The following PXDN variants were observed in gnomAD, a reference collection of about 807,000 sequenced individuals.
PXDN encodes peroxidasin homolog.
Under a neutral mutation model 140.3 loss-of-function variants are expected in PXDN, and 77 were observed. The observed-to-expected ratio is 0.55, with a 90% CI of 0.46 to 0.66. PXDN has a LOEUF of 0.66. PXDN is among the 30% of genes least tolerant of loss of function. The pLI is 0.00. For synonymous variants in PXDN, 911 were observed against 857.4 expected (o/e 1.06, Z -1.09); for missense variants, 1,838 against 2,039.5 (o/e 0.90, Z 1.90).
At chr2:1,736,858 T>A (rs1558533253) in intron 1 of PXDN, among the ~76,000 whole-genome samples, 1 of 152,170 alleles carries the variant, frequency 6.6e-6, no homozygotes, top group Non-Finnish European at 1.5e-5. Flanking sequence ...GATAAGAGTT[T>A]TGTTATCTCA....
Position 1,664,716 on chromosome 2 carries a change from G to T in PXDN, c.1408+242C>A, listed in dbSNP as rs546593213. 1.9e-5 allele frequency: 9 copies of T among 479,386 alleles called. No homozygotes were observed. In the South Asian group the frequency reaches 2.9e-4, roughly 16 times the overall value. The allele number at this position is 479,386 out of a possible 1,614,324, so 29.7% of individuals were successfully genotyped here. A position where few individuals can be genotyped will look rare whatever the true frequency, so the allele number is the denominator to read the frequency against. On this transcript the variant is annotated intron_variant, in intron 11 of 22. Coordinates refer to ENST00000252804, the MANE Select transcript of PXDN (RefSeq NM_012293.3). ...AAGGCAGGAACCCCAAGTCTCTTCC[G>T]CAATGACAGAGCTTCTCAGAGTTTC...
At chr2:1,700,975 A>C in intron 1 of PXDN, among the ~76,000 whole-genome samples, 1 of 152,216 alleles carries the variant, frequency 6.6e-6, no homozygotes, top group East Asian at 1.9e-4. Context: ...GGTTGGAATT[A>C]TAACCGATGC....
chr2:1,734,432 G>T (rs150559667), intron 1 of PXDN, among the ~76,000 whole-genome samples: 2 of 152,310 alleles, frequency 1.3e-5, no homozygotes, highest in Admixed American at 1.3e-4. Flanking sequence ...GCTGCTGAAG[G>T]CTGGGGTAGC....
At chr2:1,711,506 T>TCA (rs1380424523) in intron 1 of PXDN, among the ~76,000 whole-genome samples, 1 of 105,764 alleles carries the variant, frequency 9.5e-6, no homozygotes, top group African/African-American at 4.6e-5. Context: ...GCACCCACTC[T>TCA]CCACCAGCAC....
chr2:1,723,693 T>G (rs756528024), intron 1 of PXDN, among the ~76,000 whole-genome samples: 1 of 151,928 alleles, frequency 6.6e-6, no homozygotes, highest in African/African-American at 2.4e-5. Flanking sequence ...GATGGATGGA[T>G]GGATGGATGA....
chr2:1,690,120 T>A (rs1684152573), intron 3 of PXDN, among the ~76,000 whole-genome samples: 2 of 152,228 alleles, frequency 1.3e-5, no homozygotes, highest in Admixed American at 1.3e-4. Flanking sequence ...ACTTATCAAA[T>A]GTACTCCACC....
chr2:1,712,726 G>C (rs1248242235), intron 1 of PXDN, among the ~76,000 whole-genome samples: 1 of 152,156 alleles, frequency 6.6e-6, no homozygotes, highest in Non-Finnish European at 1.5e-5. Context: ...CTTAGTTTTA[G>C]ATTTCTTTTT....
At chr2:1,694,507 GC>G (rs1484513667) in intron 1 of PXDN, among the ~76,000 whole-genome samples, 1 of 152,050 alleles carries the variant, frequency 6.6e-6, no homozygotes, top group African/African-American at 2.4e-5. Context: ...GGGGAAGGCG[GC>G]CCCCCTCTGC....
At position 1,721,331 on chromosome 2, in the gene PXDN, C is replaced by T. The variant is rs150307922; in HGVS notation, c.200+22925G>A. 3.9e-3 allele frequency among the ~76,000 whole-genome samples: 598 copies of T among 152,250 alleles called. 3 individuals are homozygous for T. The highest frequency in any genetic ancestry group is 0.013 in the African/African-American group (559 of 41,542). The stretch of plus-strand genomic sequence containing the variant: ...AACGGGAATAGTTTCAACAACGGTA[C>T]GGGTTAATTGAGGTGGTTCCTGTTC... On this transcript the variant is annotated intron_variant, in intron 1 of 22. Transcript: ENST00000252804.
chr2:1,687,741 CAGG>C lies in PXDN; in HGVS notation c.345-41_345-39del. The C allele has an allele frequency of 7.0e-7, 1 of 1,425,962 alleles. No individual in the cohort carries two copies. The highest frequency in any genetic ancestry group is 9.7e-7 in the Non-Finnish European group (1 of 1,025,710). The allele number at this position is 1,425,962 out of a possible 1,614,324, so 88.3% of individuals were successfully genotyped here. A position where few individuals can be genotyped will look rare whatever the true frequency, so the allele number is the denominator to read the frequency against. ...ACATTGGGGAGCATTAGCACACAGA[CAGG>C]AGGTCAAACTTCAGACGGAAAAGAA... On this transcript the variant is annotated intron_variant, in intron 3 of 22. Transcript: ENST00000252804. This position sits in a 1 kb window ranked among gnomAD's most constrained non-coding sequence, Gnocchi z 4.0.
In PXDN at chr2:1,660,854, G is replaced by C; in HGVS notation, c.1837+27C>G. 6.3e-7 allele frequency: 1 copy of C among 1,598,234 alleles called. No individual in the cohort carries two copies. Among genetic ancestry groups the C allele is most frequent in the Non-Finnish European group, 8.5e-7 (1 of 1,170,186 alleles). On this transcript the variant is annotated intron_variant, in intron 14 of 22. Transcript: ENST00000252804. The surrounding 1 kb of genome is among the most constrained non-coding windows in gnomAD (Gnocchi z 4.6). ...GGGCTTTCTTTGTGGATACCATGTG[G>C]GTAGATGTGGGCATGTGGCATCTTA...
At chr2:1,720,707 T>TTC (rs200041810) in intron 1 of PXDN, among the ~76,000 whole-genome samples, 25 of 53,490 alleles carry the variant, frequency 4.7e-4, no homozygotes, top group East Asian at 3.5e-3. Flanking sequence ...CTGCATCTCT[T>TTC]TCTCTCTCTC....
At chr2:1,688,817 AT>A (rs1347490637) in intron 3 of PXDN, among the ~76,000 whole-genome samples, 3 of 152,086 alleles carry the variant, frequency 2.0e-5, no homozygotes, top group African/African-American at 4.8e-5. Context: ...AATAACCAAC[AT>A]TTTTTGTCTT....
chr2:1,723,918 T>C (rs1425723804), intron 1 of PXDN, among the ~76,000 whole-genome samples: 1 of 152,254 alleles, frequency 6.6e-6, no homozygotes, highest in African/African-American at 2.4e-5. Flanking sequence ...TTAATTGATA[T>C]TTTAAAAGTT....
intron 9 of PXDN, chr2:1,672,302 C>T (rs1377596100): frequency 1.3e-5 from 2 of 152,230 alleles, no homozygotes; most frequent in African/African-American, 2.4e-5. Flanking sequence ...AAAGAGCTGG[C>T]TAAATATTCC....
intron 1 of PXDN, among the ~76,000 whole-genome samples, chr2:1,730,247 AAAAG>A (rs1272631258): frequency 6.6e-6 from 1 of 152,248 alleles, no homozygotes; most frequent in Non-Finnish European, 1.5e-5. Flanking sequence ...AATATGTTGT[AAAAG>A]AAAGCTGGAT....
intron 1 of PXDN, among the ~76,000 whole-genome samples, chr2:1,742,832 GGCCTCCAGGAAGCAGC>G (rs1685578053): frequency 1.3e-5 from 2 of 152,186 alleles, no homozygotes; most frequent in African/African-American, 4.8e-5. Context: ...CCCGCCCCAG[GGCCTCCAGGAAGCAGC>G]CTGCAAACTC....
chr2:1,644,703 C>T lies in PXDN; in HGVS notation c.3658G>A (p.Glu1220Lys), dbSNP rs1462974524. The T allele has an allele frequency of 6.2e-7, 1 of 1,601,344 alleles. No homozygotes were observed. Among genetic ancestry groups the T allele is most frequent in the Non-Finnish European group, 8.5e-7 (1 of 1,171,770 alleles). The change falls in exon 18 of 23, where the codon GAG becomes AAG. Residue 1220 changes from glutamate (E) to lysine (K), a missense_variant. Glu to Lys is a moderately conservative substitution (Grantham distance 56, BLOSUM62 1). Around this residue, in one of 5 missense-constraint regions of PXDN, gnomAD observed 850 missense variants for 894.1 expected, o/e 0.95. Transcript: ENST00000252804. ...NIDLFPALVV[E>K]DLVPGSRLGP... is the part of the protein sequence containing the mutation. ...AGCCGGCTGCCAGGCACCAGGTCCT[C>T]CACCACGAGCGCCGGAAACAGGTCG...
At chr2:1,683,908 T>G (rs544094319) in intron 5 of PXDN, among the ~76,000 whole-genome samples, 172 bp downstream of exon 5, 1 of 152,182 alleles carries the variant, frequency 6.6e-6, no homozygotes, top group African/African-American at 2.4e-5. Context: ...ATCAACACTC[T>G]CAATTAAAGA....
Sources: allele counts gnomAD v4.1 joint callset (sites outside exome capture counted in the v4.1 genomes callset), GRCh38; gene constraint gnomAD v4.1.1; regional missense constraint gnomAD v4.1.1; non-coding constraint Gnocchi (gnomAD v3.1); transcripts MANE v1.5; gene names NCBI Gene and HGNC (gene_info 2026-07-23, HGNC 2026-07-21).